CCDC171: variants seen among roughly 807,000 people sequenced by gnomAD.
The protein encoded by CCDC171 is coiled-coil domain containing 171, also known as coiled-coil domain-containing protein 171.
CCDC171 carries 177 observed loss-of-function variants against 168.2 expected under a neutral mutation model. The ratio of observed to expected loss-of-function variants is 1.05; its 90% CI spans 0.93 to 1.19. The LOEUF (loss-of-function observed/expected upper bound fraction) is 1.19. Ranked by LOEUF, CCDC171 falls within the 50% of genes most tolerant of loss-of-function variation. The probability of loss-of-function intolerance (pLI) is 0.00; values close to 1 mark genes in which losing one functional copy is unlikely to be tolerated. For synonymous variants in CCDC171, 687 were observed against 540.8 expected, an observed-to-expected ratio of 1.27 and a Z score of -3.75; for missense variants, 1,991 against 1,539.0, an observed-to-expected ratio of 1.29 and a Z score of -4.91.
At chr9:15,662,906 AG>A (rs1235424412) in intron 8 of CCDC171, among the ~76,000 whole-genome samples, 2 of 152,154 alleles carry the variant, frequency 1.3e-5, no homozygotes, top group Middle Eastern at 3.4e-3. Flanking sequence ...GCTTGAATCC[AG>A]GGGGCGGAGG....
chr9:16,067,794 A>C, the CCDC171 span, among the ~76,000 whole-genome samples: 1 of 152,090 alleles, frequency 6.6e-6, no homozygotes, highest in Non-Finnish European at 1.5e-5. Context: ...GTTATTTCTG[A>C]GGGTTCTGTT....
chr9:15,897,073 C>G (rs1026012725), intron 24 of CCDC171, among the ~76,000 whole-genome samples: 2 of 151,958 alleles, frequency 1.3e-5, no homozygotes, highest in African/African-American at 4.8e-5. Flanking sequence ...TACATATATC[C>G]AGCATGTATA....
intron 25 of CCDC171, among the ~76,000 whole-genome samples, chr9:15,938,738 A>T (rs2132257975): frequency 6.6e-6 from 1 of 151,824 alleles, no homozygotes; most frequent in Non-Finnish European, 1.5e-5. Flanking sequence ...ATTCTTTTGG[A>T]TATTCTTTTG....
intron 24 of CCDC171, among the ~76,000 whole-genome samples, chr9:15,899,349 G>A (rs1301868141): frequency 7.8e-6 from 1 of 127,820 alleles, no homozygotes; most frequent in Non-Finnish European, 1.8e-5. Flanking sequence ...TCTAGGATAA[G>A]TACTGAGGAA....
At chr9:15,923,864 T>A (rs1825613796) in intron 25 of CCDC171, among the ~76,000 whole-genome samples, 1 of 151,374 alleles carries the variant, frequency 6.6e-6, no homozygotes, top group African/African-American at 2.4e-5. Context: ...AACTTTTCTG[T>A]AATTTCTCTA....
At chr9:15,837,796 A>G (rs1307759777) in intron 21 of CCDC171, among the ~76,000 whole-genome samples, 6 of 152,352 alleles carry the variant, frequency 3.9e-5, no homozygotes. Flanking sequence ...ATGTTAAAAA[A>G]TAACTTTCAT....
chr9:15,844,216 A>G (rs1339597164), intron 21 of CCDC171, among the ~76,000 whole-genome samples: 1 of 152,054 alleles, frequency 6.6e-6, no homozygotes, highest in African/African-American at 2.4e-5. Context: ...AAAGTTTATC[A>G]TGGGTTTTAA....
chr9:15,623,351 C>G lies in CCDC171; in HGVS notation c.760C>G (p.Arg254Gly). 6.2e-7 allele frequency: 1 copy of G among 1,611,380 alleles called. No individual in the cohort carries two copies. Among genetic ancestry groups the G allele is most frequent in the Middle Eastern group, 1.7e-4 (1 of 6,048 alleles). The change falls in exon 7 of 26, where the codon CGA becomes GGA. Residue 254 changes from arginine (R) to glycine (G), a missense_variant. Coordinates refer to ENST00000380701, the MANE Select transcript of CCDC171 (RefSeq NM_173550.4). ...EHMDCSDLLR[R>G]QTSELEFSTQ... Reference sequence around the variant, plus strand: ...TATGGACTGCTCTGACCTTTTACGGCGACAAACAAGTGAACTTGAATTTAG... The same window carrying G: ...TATGGACTGCTCTGACCTTTTACGGGGACAAACAAGTGAACTTGAATTTAG...
chr9:15,950,593 A>G (rs1829026682), intron 25 of CCDC171, among the ~76,000 whole-genome samples: 1 of 152,158 alleles, frequency 6.6e-6, no homozygotes, highest in Non-Finnish European at 1.5e-5. Flanking sequence ...TGTCACCACC[A>G]GACCTGCCCT....
At chr9:15,809,032 T>C (rs2059207018) in intron 21 of CCDC171, among the ~76,000 whole-genome samples, 1 of 152,206 alleles carries the variant, frequency 6.6e-6, no homozygotes, top group Non-Finnish European at 1.5e-5. Context: ...ATAAGGGCAC[T>C]AATCCCGATT....
intron 25 of CCDC171, among the ~76,000 whole-genome samples, chr9:15,926,586 G>T (rs1325843632): frequency 6.6e-6 from 1 of 151,552 alleles, no homozygotes; most frequent in East Asian, 1.9e-4. Context: ...GAAGGCTTTA[G>T]AATCAGGCAG....
chr9:15,871,656 C>G (rs563460542), intron 23 of CCDC171, among the ~76,000 whole-genome samples: 11 of 152,016 alleles, frequency 7.2e-5, no homozygotes, highest in African/African-American at 2.4e-4. Flanking sequence ...CCTGCCTGTT[C>G]TATTTCTTTT....
chr9:15,784,970 T>C (rs1288152593), intron 21 of CCDC171, among the ~76,000 whole-genome samples: 1 of 152,134 alleles, frequency 6.6e-6, no homozygotes. Flanking sequence ...TAACAATAAA[T>C]TTTTGTTTCT....
chr9:15,626,074 G>C (rs992204733), intron 7 of CCDC171, among the ~76,000 whole-genome samples: 10 of 152,046 alleles, frequency 6.6e-5, no homozygotes, highest in Non-Finnish European at 1.5e-4. Flanking sequence ...TATTCTCTTT[G>C]TAGCAATCAT....
At chr9:15,634,958 C>T (rs1266978684) in intron 7 of CCDC171, among the ~76,000 whole-genome samples, 4 of 152,180 alleles carry the variant, frequency 2.6e-5, no homozygotes, top group Admixed American at 2.0e-4. Context: ...GTCCATGTTG[C>T]AGCATGTATT....
intron 6 of CCDC171, among the ~76,000 whole-genome samples, chr9:16,031,073 C>T (rs144423142): frequency 3.3e-5 from 5 of 152,258 alleles, no homozygotes; most frequent in African/African-American, 1.2e-4. Flanking sequence ...GGCAACATGG[C>T]CATGAAATTA....
At position 15,874,595 on chromosome 9, in the gene CCDC171, C is replaced by G. The variant is rs144862865; in HGVS notation, c.3532C>G (p.Pro1178Ala). 1.2e-6 allele frequency: 2 copies of G among 1,607,096 alleles called. No individual in the cohort carries two copies. The highest frequency in any genetic ancestry group is 1.7e-6 in the Non-Finnish European group (2 of 1,176,842). Residue 1178 changes from proline (P) to alanine (A), a missense_variant, in exon 24 of 26, where the codon CCC becomes GCC. Transcript: ENST00000380701. ...ASRNDFTLQL[P>A]KLHLETFAME... ...TAGGAATGACTTCACCCTACAGCTACCCAAACTGCACCTGGAGACCTTTGC... is the reference window on the plus strand; with the variant it reads ...TAGGAATGACTTCACCCTACAGCTAGCCAAACTGCACCTGGAGACCTTTGC...
intron 21 of CCDC171, among the ~76,000 whole-genome samples, chr9:15,840,528 G>C (rs577837233): frequency 3.4e-4 from 52 of 152,238 alleles, no homozygotes; most frequent in African/African-American, 1.2e-3. Flanking sequence ...CCAAGAGAAT[G>C]TAGAGGTCAT....
chr9:16,058,130 A>G (rs1201551916), intron 1 of CCDC171, among the ~76,000 whole-genome samples: 2 of 152,014 alleles, frequency 1.3e-5, no homozygotes, highest in Non-Finnish European at 2.9e-5. Flanking sequence ...GGGACTATCC[A>G]AAAAAATGAA....
Sources: allele counts gnomAD v4.1 joint callset (sites outside exome capture counted in the v4.1 genomes callset), GRCh38; gene constraint gnomAD v4.1.1; transcripts MANE v1.5; gene names NCBI Gene and HGNC (gene_info 2026-07-23, HGNC 2026-07-21).